UBR3: variants seen among roughly 807,000 people sequenced by gnomAD.
The protein encoded by UBR3 is E3 ubiquitin-protein ligase UBR3.
A neutral mutation model predicts 243.2 loss-of-function variants in UBR3; 85 were observed. The observed-to-expected ratio is 0.35, with a 90% CI of 0.29 to 0.42. UBR3 has a LOEUF of 0.42. Ranked by LOEUF, UBR3 falls within the 10% of genes least tolerant of loss-of-function variation. The pLI is 1.00. For missense variants in UBR3, 1,686 were observed against 2,300.8 expected (o/e 0.73, Z 5.47); for synonymous variants, 748 against 799.8 (o/e 0.94, Z 1.09).
intron 30 of UBR3, among the ~76,000 whole-genome samples, chr2:170,023,170 G>C (rs1457478753): frequency 6.6e-6 from 1 of 151,316 alleles, no homozygotes; most frequent in Non-Finnish European, 1.5e-5. Flanking sequence ...ACAGGGTCTT[G>C]CTTTGTTACC....
chr2:169,930,033 T>C (rs1430319899), intron 18 of UBR3, among the ~76,000 whole-genome samples: 2 of 152,158 alleles, frequency 1.3e-5, no homozygotes, highest in African/African-American at 4.8e-5. Context: ...TTTTTTAGTG[T>C]AGAGGATATT....
At chr2:170,011,626 C>CTTTTTTTT (rs35877456) in intron 29 of UBR3, among the ~76,000 whole-genome samples, 4 of 123,286 alleles carry the variant, frequency 3.2e-5, no homozygotes, top group Non-Finnish European at 5.2e-5. Context: ...TACAGCTTTT[C>CTTTTTTTT]TTTTTTTTTT....
intron 5 of UBR3, among the ~76,000 whole-genome samples, chr2:169,884,762 A>T (rs2084025773): frequency 6.6e-6 from 1 of 150,928 alleles, no homozygotes; most frequent in Non-Finnish European, 1.5e-5. Flanking sequence ...GGAAAGAAAG[A>T]TAAGAAGTTC....
chr2:169,942,436 A>C (rs2086629722), intron 19 of UBR3, 57 bp from the exon 20 acceptor site: 1 of 1,476,040 alleles, frequency 6.8e-7, no homozygotes, highest in South Asian at 1.3e-5. Context: ...ATTACATTTA[A>C]ACCACAGTTT....
chr2:169,904,337 G>A (rs1359856256), intron 8 of UBR3, among the ~76,000 whole-genome samples: 1 of 152,164 alleles, frequency 6.6e-6, no homozygotes, highest in Non-Finnish European at 1.5e-5. Context: ...CAGGGAATGA[G>A]CTATGAGCCT....
chr2:169,842,864 G>C (rs186439141), intron 1 of UBR3, among the ~76,000 whole-genome samples: 2 of 152,228 alleles, frequency 1.3e-5, no homozygotes, highest in Non-Finnish European at 2.9e-5. Flanking sequence ...AGTAGGACAT[G>C]GGTACAATTC....
intron 5 of UBR3, among the ~76,000 whole-genome samples, chr2:169,885,683 C>G (rs765243211): frequency 6.6e-5 from 10 of 151,544 alleles, no homozygotes; most frequent in Non-Finnish European, 1.0e-4. Flanking sequence ...TCTTTTTTTC[C>G]TGTATACTCT....
At chr2:169,890,542 T>TATATATATATAC (rs1553504410) in intron 5 of UBR3, among the ~76,000 whole-genome samples, 4,160 of 59,702 alleles carry the variant, frequency 0.07, 550 homozygotes, top group Admixed American at 0.11. Flanking sequence ...GAGAGAGAGA[T>TATATATATATAC]ATATATATAT....
chr2:169,937,689 C>G (rs139710057), intron 19 of UBR3, among the ~76,000 whole-genome samples: 13 of 152,024 alleles, frequency 8.6e-5, no homozygotes, highest in Non-Finnish European at 1.8e-4. Context: ...TTCTATTGTT[C>G]AGTCTCTAGC....
chr2:170,036,925 T>C (rs2090847174), intron 31 of UBR3, among the ~76,000 whole-genome samples: 1 of 152,154 alleles, frequency 6.6e-6, no homozygotes, highest in Admixed American at 6.6e-5. Flanking sequence ...TTCCAAGAGC[T>C]GATGTATACT....
chr2:169,909,520 G>A (rs1361924756), intron 10 of UBR3, among the ~76,000 whole-genome samples: 1 of 152,104 alleles, frequency 6.6e-6, no homozygotes, highest in Non-Finnish European at 1.5e-5. Context: ...GAAATGGGGA[G>A]ATTTTGACTA....
intron 26 of UBR3, among the ~76,000 whole-genome samples, chr2:169,997,884 G>A (rs2089555682): frequency 6.6e-6 from 1 of 152,096 alleles, no homozygotes; most frequent in Admixed American, 6.5e-5. Context: ...AGCACCATTT[G>A]ATTTTCAAGG....
chr2:169,916,027 T>A (rs970746933), intron 11 of UBR3, among the ~76,000 whole-genome samples: 22 of 152,168 alleles, frequency 1.4e-4, no homozygotes, highest in Non-Finnish European at 2.8e-4. Context: ...ATCAATCATT[T>A]CTTTATGGAT....
chr2:170,048,476 C>T (rs2091141947), intron 32 of UBR3, among the ~76,000 whole-genome samples: 1 of 152,180 alleles, frequency 6.6e-6, no homozygotes, highest in African/African-American at 2.4e-5. Context: ...ATACTCATGA[C>T]TCTTCCTATA....
intron 1 of UBR3, among the ~76,000 whole-genome samples, chr2:169,855,640 C>T (rs1239468096): frequency 6.6e-6 from 1 of 152,180 alleles, no homozygotes; most frequent in African/African-American, 2.4e-5. Flanking sequence ...GGACACAGCA[C>T]ATGTTTCAGA....
At chr2:170,015,168 G>A in intron 29 of UBR3, 113 bp from the exon 30 acceptor site, 1 of 823,168 alleles carries the variant, frequency 1.2e-6, no homozygotes, top group Non-Finnish European at 1.8e-6. Context: ...AACTGCTTTT[G>A]CAAAAAATAA....
At chr2:169,986,588 C>A (rs2089012990) in intron 24 of UBR3, 57 bp from the exon 25 acceptor site, 4 of 1,520,098 alleles carry the variant, frequency 2.6e-6, no homozygotes, top group Non-Finnish European at 3.6e-6. Context: ...CTCACACTTT[C>A]ATTGAAGAGA....
At chr2:170,051,227 A>G (rs1203174749) in intron 32 of UBR3, among the ~76,000 whole-genome samples, 2 of 152,260 alleles carry the variant, frequency 1.3e-5, no homozygotes, top group East Asian at 1.9e-4. Context: ...TTTTTAAATG[A>G]TGATAATCAA....
chr2:169,985,162 C>G (rs2105387015), intron 24 of UBR3, among the ~76,000 whole-genome samples: 1 of 150,872 alleles, frequency 6.6e-6, no homozygotes, highest in African/African-American at 2.4e-5. Flanking sequence ...TTTCTTTTTT[C>G]TGCATGGTTT....
Sources: allele counts gnomAD v4.1 joint callset (sites outside exome capture counted in the v4.1 genomes callset), GRCh38; gene constraint gnomAD v4.1.1; transcripts MANE v1.5; gene names NCBI Gene and HGNC (gene_info 2026-07-23, HGNC 2026-07-21).